ARL15: variants seen among roughly 807,000 people sequenced by gnomAD.
ARL15 encodes ARF like GTPase 15, also known as ADP-ribosylation factor-like protein 15.
In ARL15, 19 loss-of-function variants were observed where a neutral mutation model predicts 25.2. The observed-to-expected ratio is 0.75, with a 90% CI of 0.53 to 1.10. ARL15 has a LOEUF of 1.10. Among genes scored for constraint, ARL15 ranks in the 50% least tolerant of loss-of-function variants. The pLI is 0.00. For missense variants in ARL15, 220 were observed against 246.0 expected (o/e 0.89, Z 0.71); for synonymous variants, 94 against 86.8 (o/e 1.08, Z -0.46).
chr5:53,925,848 A>G (rs1746001171), intron 4 of ARL15, among the ~76,000 whole-genome samples: 1 of 152,118 alleles, frequency 6.6e-6, no homozygotes, highest in African/African-American at 2.4e-5. Context: ...CTTTGTTTTT[A>G]AGCAGTGAAA....
chr5:54,003,954 C>G (rs1055659372), intron 4 of ARL15, among the ~76,000 whole-genome samples: 3 of 152,156 alleles, frequency 2.0e-5, no homozygotes, highest in African/African-American at 7.2e-5. Context: ...GAATCTTTAA[C>G]AATGGCACAC....
At chr5:54,100,936 T>TA (rs1476861852) in intron 4 of ARL15, among the ~76,000 whole-genome samples, 1 of 152,104 alleles carries the variant, frequency 6.6e-6, no homozygotes, top group Admixed American at 6.6e-5. Flanking sequence ...CACATGGCTT[T>TA]ATTAATCATT....
intron 3 of ARL15, among the ~76,000 whole-genome samples, chr5:54,152,016 T>A (rs1272701261): frequency 6.6e-6 from 1 of 152,150 alleles, no homozygotes; most frequent in Non-Finnish European, 1.5e-5. Context: ...TTCATCACTG[T>A]CCTGGCTCTT....
chr5:54,064,300 A>G (rs1259549333), intron 4 of ARL15, among the ~76,000 whole-genome samples: 1 of 152,240 alleles, frequency 6.6e-6, no homozygotes, highest in Non-Finnish European at 1.5e-5. Context: ...GACAAGATCC[A>G]TACTAAATAA....
At chr5:54,023,274 C>T (rs143354829) in intron 4 of ARL15, among the ~76,000 whole-genome samples, 23 of 118,630 alleles carry the variant, frequency 1.9e-4, no homozygotes, top group African/African-American at 6.7e-4. Flanking sequence ...ATACCTAAAA[C>T]GACACTAAAA....
At chr5:54,281,662 C>T (rs1289751516) in intron 1 of ARL15, among the ~76,000 whole-genome samples, 1 of 152,148 alleles carries the variant, frequency 6.6e-6, no homozygotes, top group African/African-American at 2.4e-5. Context: ...CAAAGTCACC[C>T]CTTGTTGAGA....
At chr5:54,301,988 A>G (rs1758627072) in intron 1 of ARL15, among the ~76,000 whole-genome samples, 1 of 152,360 alleles carries the variant, frequency 6.6e-6, no homozygotes, top group East Asian at 1.9e-4. Context: ...GCTTGGCTCT[A>G]TGAGCCAAAG....
At chr5:54,288,821 C>G (rs1326497001) in intron 1 of ARL15, among the ~76,000 whole-genome samples, 2 of 152,150 alleles carry the variant, frequency 1.3e-5, no homozygotes, top group African/African-American at 4.8e-5. Context: ...TCCCTCAATA[C>G]AAGTACCTAC....
intron 4 of ARL15, among the ~76,000 whole-genome samples, chr5:54,036,945 G>A (rs989788185): frequency 3.9e-5 from 6 of 151,996 alleles, no homozygotes; most frequent in South Asian, 2.1e-4. Context: ...GGTAATTTAC[G>A]TAAAAGCGAT....
At chr5:54,042,447 T>A (rs1750371431) in intron 4 of ARL15, among the ~76,000 whole-genome samples, 1 of 152,144 alleles carries the variant, frequency 6.6e-6, no homozygotes, top group East Asian at 1.9e-4. Context: ...ACATGGAAGA[T>A]CTTTAAATCT....
At chr5:53,992,800 C>A (rs576891842) in intron 4 of ARL15, among the ~76,000 whole-genome samples, 6 of 152,152 alleles carry the variant, frequency 3.9e-5, no homozygotes, top group Admixed American at 6.5e-5. Flanking sequence ...GTGGCTCACG[C>A]CTGTAATCTC....
chr5:54,276,718 T>C (rs575257669), intron 1 of ARL15, among the ~76,000 whole-genome samples: 13 of 152,328 alleles, frequency 8.5e-5, no homozygotes, highest in African/African-American at 3.1e-4. Flanking sequence ...GGATTATTCA[T>C]GTAGGCCCAA....
rs746862494 is a variant in ARL15 at position 54,278,586 on chromosome 5, GC to G, written c.48+31845del. On this transcript the variant is annotated intron_variant, in intron 1 of 4. Transcript: ENST00000504924. ...GTGGAGTTATCTCCTTGGACCAGAT[GC>G]TTGGTTTTAAAGATTGTTTTGTTTG... Among the ~76,000 whole-genome samples the G allele has an allele frequency of 2.2e-4, 33 of 152,294 alleles. 1 individual carries two copies. Among genetic ancestry groups the G allele is most frequent in the Non-Finnish European group, 4.1e-4 (28 of 68,036 alleles).
At position 54,309,929 on chromosome 5, in the gene ARL15, C is replaced by T. The variant is rs900121866; in HGVS notation, c.48+503G>A. ...GACCCGTCTGCTTTATGGTAATGTG[C>T]TTTTAAAACCCCGCCACGACCGAGG... On this transcript the variant is annotated intron_variant, in intron 1 of 4. Coordinates refer to ENST00000504924, the MANE Select transcript of ARL15 (RefSeq NM_019087.3). Among the ~76,000 whole-genome samples the T allele has an allele frequency of 2.6e-5, 4 of 152,314 alleles. No individual in the cohort carries two copies. In the South Asian group the frequency reaches 8.3e-4, roughly 32 times the overall value.
chr5:54,057,520 T>C (rs1750915577), intron 4 of ARL15, among the ~76,000 whole-genome samples: 1 of 152,152 alleles, frequency 6.6e-6, no homozygotes, highest in Non-Finnish European at 1.5e-5. Context: ...ATACTCAAAT[T>C]GCAATAACCC....
chr5:54,238,302 G>A (rs924613222), intron 1 of ARL15, among the ~76,000 whole-genome samples: 1 of 152,158 alleles, frequency 6.6e-6, no homozygotes, highest in African/African-American at 2.4e-5. Context: ...CCCCAGCACT[G>A]CTAGCTCCAG....
chr5:54,218,192 G>C (rs1579921537), intron 1 of ARL15, among the ~76,000 whole-genome samples: 1 of 152,034 alleles, frequency 6.6e-6, no homozygotes, highest in African/African-American at 2.4e-5. Context: ...ATTCAGATTG[G>C]CCACGGTTTT....
chr5:54,144,263 CA>C (rs1302794228), intron 3 of ARL15, among the ~76,000 whole-genome samples: 2 of 151,180 alleles, frequency 1.3e-5, no homozygotes, highest in Non-Finnish European at 3.0e-5. Context: ...TTGTCCTTTC[CA>C]GTTTCTCTTT....
chr5:54,070,663 A>G (rs760075644), intron 4 of ARL15, among the ~76,000 whole-genome samples: 1 of 151,810 alleles, frequency 6.6e-6, no homozygotes, highest in Non-Finnish European at 1.5e-5. Flanking sequence ...CAACATGGTG[A>G]AACCCTGTAT....
Sources: allele counts gnomAD v4.1 joint callset (sites outside exome capture counted in the v4.1 genomes callset), GRCh38; gene constraint gnomAD v4.1.1; transcripts MANE v1.5; gene names NCBI Gene and HGNC (gene_info 2026-07-23, HGNC 2026-07-21).